CRHR2: variants seen among roughly 807,000 people sequenced by gnomAD.
The protein encoded by CRHR2 is corticotropin releasing hormone receptor 2, also known as corticotropin-releasing hormone receptor 2.
Under a neutral mutation model 57.9 loss-of-function variants are expected in CRHR2, and 53 were observed. The observed-to-expected ratio is 0.92, with a 90% CI of 0.73 to 1.15. The LOEUF (loss-of-function observed/expected upper bound fraction) is 1.15. Among genes scored for constraint, CRHR2 ranks in the 50% most tolerant of loss-of-function variants. The pLI, the probability that CRHR2 is intolerant of heterozygous loss-of-function variation, is 0.00. For synonymous variants in CRHR2, 213 were observed against 220.9 expected, an observed-to-expected ratio of 0.96 and a Z score of 0.32; for missense variants, 532 against 542.6, an observed-to-expected ratio of 0.98 and a Z score of 0.19.
At chr7:30,675,198 GA>G (rs1459601599) in intron 2 of CRHR2, among the ~76,000 whole-genome samples, 1 of 152,206 alleles carries the variant, frequency 6.6e-6, no homozygotes, top group Non-Finnish European at 1.5e-5. Flanking sequence ...TGGGCAGTCA[GA>G]GGGGCCCAAA....
intron 1 of CRHR2, among the ~76,000 whole-genome samples, chr7:30,696,238 A>C (rs1754382293): frequency 6.6e-6 from 1 of 152,216 alleles, no homozygotes; most frequent in Non-Finnish European, 1.5e-5. Flanking sequence ...GACTGTAGTC[A>C]ATAATTTAAT....
At chr7:30,685,311 T>C (rs1236935743), upstream of CRHR2, among the ~76,000 whole-genome samples, 1 of 152,182 alleles carries the variant, frequency 6.6e-6, no homozygotes, top group African/African-American at 2.4e-5. Flanking sequence ...ATCTTCACCA[T>C]GCACACACAT....
At chr7:30,654,155 T>A (rs1416805417) in intron 11 of CRHR2, among the ~76,000 whole-genome samples, 1 of 152,262 alleles carries the variant, frequency 6.6e-6, no homozygotes, top group Admixed American at 6.5e-5. Context: ...AAGTTGGCTC[T>A]ACCCGGTGCC....
intron 11 of CRHR2, 96 bp downstream of exon 11, chr7:30,654,943 C>T: frequency 6.4e-7 from 1 of 1,563,008 alleles, no homozygotes; most frequent in Non-Finnish European, 8.7e-7. Flanking sequence ...CTCTCCCTGG[C>T]ACTCCAGCAA....
intron 1 of CRHR2, among the ~76,000 whole-genome samples, chr7:30,691,576 G>C (rs1382415455): frequency 6.6e-6 from 1 of 152,238 alleles, no homozygotes. Context: ...GGCTGAGCAA[G>C]CACTTTGTGG....
chr7:30,660,620 C>A lies in CRHR2; in HGVS notation c.784G>T (p.Asp262Tyr). ...EQCWFGKEPG[D>Y]LVDYIYQGPI... ...CCTTGGTAGATGTAGTCCACCAGGT[C>A]GCCAGGCTCCTTGCCAAACCAGCAC... The change falls in exon 8 of 12, where the codon GAC becomes TAC. Residue 262 changes from aspartate (D) to tyrosine (Y), a missense_variant. Asp to Tyr is a radical substitution (Grantham distance 160, BLOSUM62 -3). Coordinates refer to ENST00000471646, the MANE Select transcript of CRHR2 (RefSeq NM_001883.5). 6.4e-7 allele frequency: 1 copy of A among 1,571,796 alleles called. No homozygotes were observed. Among genetic ancestry groups the A allele is most frequent in the South Asian group, 1.2e-5 (1 of 85,428 alleles).
chr7:30,688,091 G>A (rs1362943492), intron 2 of CRHR2, among the ~76,000 whole-genome samples: 1 of 152,246 alleles, frequency 6.6e-6, no homozygotes, highest in Non-Finnish European at 1.5e-5. Context: ...GGTCTTCGAT[G>A]AGGTGATTAA....
At chr7:30,660,509 C>T in intron 8 of CRHR2, 64 bp downstream of exon 8, 1 of 1,501,400 alleles carries the variant, frequency 6.7e-7, no homozygotes, top group South Asian at 1.2e-5. Context: ...GCGTCTCTGC[C>T]TGGGTGGGCC....
Position 30,653,545 on chromosome 7 carries a change from C to G in CRHR2, c.1151G>C (p.Arg384Pro), listed in dbSNP as rs367951133. ...GGACATGGCCCGGGCCATGGGGACT[C>G]GAAGGGAGTGATGGTCCTGCCAGCG... Reference protein sequence around the residue: ...WHRWQDHHSLRVPMARAMSIP... With the variant: ...WHRWQDHHSLPVPMARAMSIP... The change falls in exon 12 of 12, where the codon CGA becomes CCA. Residue 384 changes from arginine to proline, a missense_variant. Physicochemically the swap from Arg to Pro is moderately radical, Grantham distance 103. Transcript: ENST00000471646. This position sits in a 1 kb window ranked among gnomAD's most constrained non-coding sequence, Gnocchi z 5.0. 4.3e-6 allele frequency: 7 copies of G among 1,613,378 alleles called. No individual in the cohort carries two copies. Among genetic ancestry groups the G allele is most frequent in the Non-Finnish European group, 5.9e-6 (7 of 1,179,930 alleles).
At chr7:30,681,775 A>C in intron 2 of CRHR2, 140 bp downstream of exon 2, 2 of 1,277,374 alleles carry the variant, frequency 1.6e-6, no homozygotes, top group Non-Finnish European at 2.1e-6. Context: ...CAACACTGTA[A>C]GGGGTCCTTA....
At chr7:30,685,920 A>C (rs1473733220), upstream of CRHR2, among the ~76,000 whole-genome samples, 1 of 152,130 alleles carries the variant, frequency 6.6e-6, no homozygotes, top group Non-Finnish European at 1.5e-5. Context: ...CCTCTTTGGT[A>C]TTGCAAAGAA....
Position 30,665,210 on chromosome 7 carries a change from G to C in CRHR2, c.426-23C>G. 1.2e-6 allele frequency: 2 copies of C among 1,602,072 alleles called. No individual in the cohort carries two copies. The highest frequency in any genetic ancestry group is 1.7e-6 in the Non-Finnish European group (2 of 1,169,234). ...CTCCTGTGGGAGGTGCAGGTCAGGGGTCAGCCAGGTTCAGGGGTCAACTGG... is the reference window on the plus strand; with the variant it reads ...CTCCTGTGGGAGGTGCAGGTCAGGGCTCAGCCAGGTTCAGGGGTCAACTGG... On this transcript the variant is annotated intron_variant, in intron 4 of 11. Coordinates refer to ENST00000471646, the MANE Select transcript of CRHR2 (RefSeq NM_001883.5). This position sits in a 1 kb window ranked among gnomAD's most constrained non-coding sequence, Gnocchi z 4.5.
chr7:30,698,701 G>T (rs567208887), intron 1 of CRHR2, among the ~76,000 whole-genome samples: 139 of 152,300 alleles, frequency 9.1e-4, no homozygotes, highest in African/African-American at 3.3e-3. Context: ...CCCCCAGGAA[G>T]GCAGGGACCC....
intron 6 of CRHR2, 75 bp downstream of exon 6, chr7:30,662,619 G>C: frequency 6.4e-7 from 1 of 1,553,940 alleles, no homozygotes; most frequent in Non-Finnish European, 8.7e-7. Flanking sequence ...CTGGTCCTTG[G>C]ACCCAAGACG....
intron 2 of CRHR2, among the ~76,000 whole-genome samples, chr7:30,676,932 T>C: frequency 6.6e-6 from 1 of 152,226 alleles, no homozygotes; most frequent in South Asian, 2.1e-4. Context: ...TCAGTACAGA[T>C]GACCCCAGCC....
intron 10 of CRHR2, 145 bp from the exon 11 acceptor site, chr7:30,655,225 C>G: frequency 1.1e-6 from 1 of 919,572 alleles, no homozygotes; most frequent in South Asian, 1.6e-5. Flanking sequence ...GGGTCCTAGC[C>G]TCAGGGTGCA....
At chr7:30,677,777 G>C (rs2128146794) in intron 2 of CRHR2, among the ~76,000 whole-genome samples, 1 of 152,334 alleles carries the variant, frequency 6.6e-6, no homozygotes, top group Middle Eastern at 3.4e-3. Flanking sequence ...GGAAGCTTAA[G>C]ACTCCAGGTT....
chr7:30,654,686 G>A (rs1783709897), intron 11 of CRHR2: 2 of 1,535,952 alleles, frequency 1.3e-6, no homozygotes, highest in Non-Finnish European at 8.7e-7. Flanking sequence ...TGCTCCCTGA[G>A]TCCATACAGA....
At chr7:30,690,964 G>A (rs1454052830) in intron 1 of CRHR2, among the ~76,000 whole-genome samples, 1 of 152,192 alleles carries the variant, frequency 6.6e-6, no homozygotes, top group Non-Finnish European at 1.5e-5. Context: ...TGGCCTGCAG[G>A]ACAAACACTG....
Sources: allele counts gnomAD v4.1 joint callset (sites outside exome capture counted in the v4.1 genomes callset), GRCh38; gene constraint gnomAD v4.1.1; non-coding constraint Gnocchi (gnomAD v3.1); transcripts MANE v1.5; gene names NCBI Gene and HGNC (gene_info 2026-07-23, HGNC 2026-07-21).